Variants in FHIT observed in about 807,000 individuals in gnomAD.
FHIT encodes bis(5'-adenosyl)-triphosphatase.
Under a neutral mutation model 17.9 loss-of-function variants are expected in FHIT, and 19 were observed. The observed-to-expected ratio is 1.06, with a 90% CI of 0.74 to 1.56. FHIT has a LOEUF of 1.56. Among genes scored for constraint, FHIT ranks in the 40% most tolerant of loss-of-function variants. The pLI, the probability that FHIT is intolerant of heterozygous loss-of-function variation, is 0.00. For missense variants in FHIT, 248 were observed against 189.2 expected (o/e 1.31, Z -1.82); for synonymous variants, 81 against 69.7 (o/e 1.16, Z -0.81).
Position 60,109,519 on chromosome 3 carries a change from C to T in FHIT, c.104-95367G>A, listed in dbSNP as rs970740435. Among the ~76,000 whole-genome samples the T allele has an allele frequency of 3.9e-4, 59 of 152,106 alleles. 2 individuals carry two copies. The highest frequency in any genetic ancestry group is 7.3e-5 in the Non-Finnish European group (5 of 68,030). On this transcript the variant is annotated intron_variant, in intron 5 of 9. Transcript: ENST00000492590. ...GGCCAAATAATGAGAAGAATCACAA[C>T]CCTTAGGGTTTATGTTCCAAAGGCC...
chr3:59,999,678 C>G (rs180900461), intron 7 of FHIT, among the ~76,000 whole-genome samples: 9 of 152,126 alleles, frequency 5.9e-5, no homozygotes, highest in Admixed American at 5.2e-4. Flanking sequence ...AATTTCAGCT[C>G]GCTGCACCCT....
intron 3 of FHIT, among the ~76,000 whole-genome samples, chr3:60,898,820 A>G (rs1705957619): frequency 1.3e-5 from 2 of 152,172 alleles, no homozygotes; most frequent in South Asian, 2.1e-4. Flanking sequence ...TAGATCCCAT[A>G]CGGGAAGCAT....
chr3:60,188,857 C>T lies in FHIT; in HGVS notation c.104-174705G>A, dbSNP rs1000714301. Among the ~76,000 whole-genome samples the T allele has an allele frequency of 6.6e-5, 10 of 152,056 alleles. No individual in the cohort carries two copies. In the South Asian group the frequency reaches 2.1e-3, roughly 32 times the overall value. On this transcript the variant is annotated intron_variant, in intron 5 of 9. Coordinates refer to ENST00000492590, the MANE Select transcript of FHIT (RefSeq NM_002012.4). Reference sequence around the variant, plus strand: ...TTCAAAATGAGACATTTCTGAGCTGCCTCTCACAAAGCAATTTTTTTTTTA... The same window carrying T: ...TTCAAAATGAGACATTTCTGAGCTGTCTCTCACAAAGCAATTTTTTTTTTA...
intron 4 of FHIT, among the ~76,000 whole-genome samples, chr3:60,618,432 C>T (rs2039017365): frequency 6.6e-6 from 1 of 152,120 alleles, no homozygotes; most frequent in Non-Finnish European, 1.5e-5. Context: ...TGCTCTCCCT[C>T]CCAGCAGCAC....
At chr3:61,002,923 C>T (rs539907649) in intron 3 of FHIT, among the ~76,000 whole-genome samples, 3 of 152,138 alleles carry the variant, frequency 2.0e-5, no homozygotes, top group Non-Finnish European at 4.4e-5. Flanking sequence ...AACTCTATGG[C>T]AGTTCCTGGG....
At chr3:61,015,196 G>A (rs917746463) in intron 3 of FHIT, among the ~76,000 whole-genome samples, 3 of 152,130 alleles carry the variant, frequency 2.0e-5, no homozygotes, top group Admixed American at 6.5e-5. Context: ...CTTGATGTCA[G>A]TTAGGGCAGA....
chr3:59,942,157 T>C (rs1390635320), intron 7 of FHIT, among the ~76,000 whole-genome samples: 1 of 152,184 alleles, frequency 6.6e-6, no homozygotes, highest in African/African-American at 2.4e-5. Context: ...CTCTCCACAC[T>C]TGGTTTCTCT....
At chr3:60,887,561 G>A (rs13068405) in intron 3 of FHIT, among the ~76,000 whole-genome samples, 38,670 of 151,722 alleles carry the variant, frequency 0.25, 5,639 homozygotes, top group African/African-American at 0.39. Context: ...CAGGAGAGTC[G>A]CTTGAACCCA....
intron 3 of FHIT, among the ~76,000 whole-genome samples, chr3:61,007,655 C>T (rs1212869943): frequency 6.6e-6 from 1 of 152,024 alleles, no homozygotes; most frequent in African/African-American, 2.4e-5. Flanking sequence ...ACGTGGGTTC[C>T]CTTATGCATG....
intron 3 of FHIT, among the ~76,000 whole-genome samples, chr3:60,937,646 C>A (rs1247121138): frequency 6.8e-6 from 1 of 147,316 alleles, no homozygotes; most frequent in Non-Finnish European, 1.5e-5. Flanking sequence ...TCACTGCAAC[C>A]TCCACCTCCT....
chr3:60,561,483 G>T (rs1217031086), intron 4 of FHIT, among the ~76,000 whole-genome samples: 3 of 146,456 alleles, frequency 2.0e-5, no homozygotes, highest in Non-Finnish European at 4.5e-5. Context: ...TCAGATGATG[G>T]GGAGAAAAAA....
intron 8 of FHIT, among the ~76,000 whole-genome samples, chr3:59,826,249 C>G (rs921370426): frequency 2.0e-5 from 3 of 152,172 alleles, no homozygotes; most frequent in South Asian, 2.1e-4. Context: ...TCCTGAGTAG[C>G]TGGGACTACA....
intron 8 of FHIT, among the ~76,000 whole-genome samples, chr3:59,762,552 T>G (rs1454941355): frequency 6.6e-6 from 1 of 152,148 alleles, no homozygotes; most frequent in Non-Finnish European, 1.5e-5. Flanking sequence ...AAACTGTATG[T>G]CTCATCCAAA....
At chr3:60,630,626 C>T (rs1455348539) in intron 4 of FHIT, among the ~76,000 whole-genome samples, 2 of 152,154 alleles carry the variant, frequency 1.3e-5, no homozygotes, top group African/African-American at 4.8e-5. Flanking sequence ...TGTCTGCCTA[C>T]TATGTGAGCC....
chr3:60,524,357 T>C (rs1048074523), intron 5 of FHIT, among the ~76,000 whole-genome samples: 6 of 152,178 alleles, frequency 3.9e-5, no homozygotes, highest in African/African-American at 1.4e-4. Context: ...TTGAGCACAA[T>C]CTAAATAGAG....
At chr3:60,421,213 C>A (rs1363792609) in intron 5 of FHIT, among the ~76,000 whole-genome samples, 1 of 152,054 alleles carries the variant, frequency 6.6e-6, no homozygotes, top group African/African-American at 2.4e-5. Context: ...GCTGCTTTAA[C>A]TCCACATTCT....
At chr3:61,097,354 A>C (rs1330948932) in intron 2 of FHIT, among the ~76,000 whole-genome samples, 19 of 152,112 alleles carry the variant, frequency 1.2e-4, no homozygotes, top group Admixed American at 1.2e-3. Flanking sequence ...TCATTGATGG[A>C]CATTTAGATT....
chr3:60,275,291 C>T (rs1707074868), intron 5 of FHIT, among the ~76,000 whole-genome samples: 1 of 151,932 alleles, frequency 6.6e-6, no homozygotes, highest in Non-Finnish European at 1.5e-5. Flanking sequence ...GCTTACTCAC[C>T]AGGGCTTATT....
At chr3:60,014,242 AC>A in intron 5 of FHIT, 90 bp from the exon 6 acceptor site, 1 of 1,313,564 alleles carries the variant, frequency 7.6e-7, no homozygotes, top group Non-Finnish European at 1.1e-6. Flanking sequence ...ATCCTCTCGG[AC>A]CAGGGCCTGA....
Sources: gnomAD v4.1 joint callset for allele counts (sites outside exome capture counted in the v4.1 genomes callset) on GRCh38, gnomAD v4.1.1 for gene constraint, MANE v1.5 for transcripts, NCBI Gene and HGNC (gene_info 2026-07-23, HGNC 2026-07-21) for gene names.